TNRC18: variants seen among roughly 807,000 people sequenced by gnomAD.
The protein encoded by TNRC18 is trinucleotide repeat-containing gene 18 protein.
Under a neutral mutation model 226.7 loss-of-function variants are expected in TNRC18, and 69 were observed. The observed-to-expected ratio is 0.30, with a 90% CI of 0.25 to 0.37. TNRC18 has a LOEUF of 0.37. TNRC18 is among the 10% of genes least tolerant of loss of function. TNRC18 has a pLI of 1.00. For synonymous variants in TNRC18, 2,449 were observed against 1,927.6 expected (o/e 1.27, Z -7.09); for missense variants, 4,754 against 4,256.6 (o/e 1.12, Z -3.25).
chr7:5,314,370 T>C (rs1171438073), intron 26 of TNRC18, among the ~76,000 whole-genome samples: 4 of 152,012 alleles, frequency 2.6e-5, no homozygotes, highest in Admixed American at 1.3e-4. Context: ...CAACCTTAAG[T>C]TGTGTTGGCC....
At chr7:5,318,816 C>T (rs973578364) in intron 24 of TNRC18, among the ~76,000 whole-genome samples, 3 of 152,158 alleles carry the variant, frequency 2.0e-5, no homozygotes, top group African/African-American at 7.2e-5. Context: ...TCAACTATCT[C>T]TAAAGAATAA....
intron 24 of TNRC18, among the ~76,000 whole-genome samples, chr7:5,319,859 C>A (rs1253717894): frequency 6.6e-6 from 1 of 152,166 alleles, no homozygotes; most frequent in Non-Finnish European, 1.5e-5. Flanking sequence ...GGAAGCCACC[C>A]TCCCATCTTT....
intron 11 of TNRC18, among the ~76,000 whole-genome samples, chr7:5,363,857 G>A (rs1793338177): frequency 1.9e-5 from 2 of 102,790 alleles, no homozygotes; most frequent in South Asian, 6.3e-4. Flanking sequence ...GCAGAAAGGT[G>A]TAAAAAAAAA....
At chr7:5,321,037 C>T in intron 22 of TNRC18, 36 bp downstream of exon 22, 1 of 1,447,698 alleles carries the variant, frequency 6.9e-7, no homozygotes, top group Non-Finnish European at 9.4e-7. Context: ...GGGTATGGGA[C>T]ACGGGGCTCT....
In TNRC18 at chr7:5,308,769, G is replaced by C. The variant is rs559206681; in HGVS notation, c.8700+106C>G. On this transcript the variant is annotated intron_variant, in intron 29 of 29. Coordinates refer to ENST00000430969, the MANE Select transcript of TNRC18 (RefSeq NM_001080495.3). ...GGACAGGAGGTCAGAGGCTGAGGGAGACCATGGGGGACAGAGCAGCAGATG... is the reference window on the plus strand; with the variant it reads ...GGACAGGAGGTCAGAGGCTGAGGGACACCATGGGGGACAGAGCAGCAGATG... The C allele has an allele frequency of 1.2e-4, 152 of 1,266,584 alleles. 1 individual carries two copies. In the African/African-American group the frequency reaches 2.0e-3, roughly 17 times the overall value. The allele number at this position is 1,266,584 out of a possible 1,614,324, so 78.5% of individuals were successfully genotyped here.
At chr7:5,332,491 G>A (rs908883919) in intron 19 of TNRC18, 131 bp downstream of exon 19, 34 of 1,001,686 alleles carry the variant, frequency 3.4e-5, no homozygotes, top group Non-Finnish European at 4.2e-5. Flanking sequence ...CAGGGGCTCC[G>A]GGCGGGCCTG....
At chr7:5,325,336 G>T in intron 19 of TNRC18, 88 bp from the exon 20 acceptor site, 4 of 1,448,206 alleles carry the variant, frequency 2.8e-6, no homozygotes, top group Non-Finnish European at 2.8e-6. Context: ...TCACCCCCAA[G>T]TTCTGTGCCA....
intron 24 of TNRC18, among the ~76,000 whole-genome samples, chr7:5,317,178 C>T (rs543510671): frequency 6.6e-6 from 1 of 152,106 alleles, no homozygotes; most frequent in African/African-American, 2.4e-5. Flanking sequence ...CTCCCATCGG[C>T]TTGATAAGGT....
intron 2 of TNRC18, among the ~76,000 whole-genome samples, chr7:5,404,762 C>CAG (rs961654211): frequency 6.4e-5 from 7 of 108,918 alleles, no homozygotes; most frequent in African/African-American, 3.3e-4. Flanking sequence ...TGCACACTTT[C>CAG]AGTGTGTGTG....
chr7:5,407,906 TAGC>T (rs1781585173), intron 2 of TNRC18, among the ~76,000 whole-genome samples: 1 of 152,096 alleles, frequency 6.6e-6, no homozygotes, highest in Non-Finnish European at 1.5e-5. Flanking sequence ...AGATGCCTCT[TAGC>T]AGAGACAAAA....
At chr7:5,375,304 A>G (rs980497291) in intron 9 of TNRC18, among the ~76,000 whole-genome samples, 25 of 151,062 alleles carry the variant, frequency 1.7e-4, no homozygotes, top group African/African-American at 5.9e-4. Flanking sequence ...GCAAGACTCC[A>G]CCTCAAAAAA....
At chr7:5,383,539 G>C (rs900536855) in intron 5 of TNRC18, among the ~76,000 whole-genome samples, 2 of 152,232 alleles carry the variant, frequency 1.3e-5, no homozygotes, top group African/African-American at 4.8e-5. Flanking sequence ...ACAAAGGGCA[G>C]AGCTTGGACT....
At chr7:5,318,210 G>T (rs1320653204) in intron 24 of TNRC18, among the ~76,000 whole-genome samples, 1 of 152,044 alleles carries the variant, frequency 6.6e-6, no homozygotes, top group Non-Finnish European at 1.5e-5. Context: ...GTAGAGACAG[G>T]GTCTTGCTAT....
At position 5,376,182 on chromosome 7, in the gene TNRC18, G is replaced by A. The variant is rs775462040; in HGVS notation, c.2651C>T (p.Ala884Val). ...ERATVPPLWP[A>V]LYPPGRSPLH... ...GGGGCTGCGGCCCGGCGGGTACAGG[G>A]CGGGCCAGAGGGGCGGTACGGTGGC... The change falls in exon 9 of 30, where the codon GCC becomes GTC. Residue 884 changes from alanine to valine, a missense_variant. Ala to Val is a moderately conservative substitution (Grantham distance 64). Transcript: ENST00000430969. 3.8e-6 allele frequency: 6 copies of A among 1,561,928 alleles called. No homozygotes were observed. Among genetic ancestry groups the A allele is most frequent in the South Asian group, 3.6e-5 (3 of 84,336 alleles).
intron 17 of TNRC18, among the ~76,000 whole-genome samples, chr7:5,351,528 C>T (rs1791813946): frequency 6.6e-6 from 1 of 151,976 alleles, no homozygotes; most frequent in African/African-American, 2.4e-5. Context: ...GGGAGGAGGG[C>T]AAGTGGAGAG....
At chr7:5,362,441 G>C (rs549134363) in intron 12 of TNRC18, among the ~76,000 whole-genome samples, 5 of 152,276 alleles carry the variant, frequency 3.3e-5, no homozygotes, top group African/African-American at 1.2e-4. Context: ...TGATGAGCCT[G>C]ACATGCTAGC....
chr7:5,378,442 G>A (rs1583985745), intron 5 of TNRC18, among the ~76,000 whole-genome samples: 1 of 147,904 alleles, frequency 6.8e-6, no homozygotes, highest in Non-Finnish European at 1.5e-5. Flanking sequence ...TTTTTGAGAT[G>A]GAGTCTCGCT....
chr7:5,328,216 C>T (rs1169017107), intron 19 of TNRC18, among the ~76,000 whole-genome samples: 9 of 151,482 alleles, frequency 5.9e-5, no homozygotes, highest in African/African-American at 1.2e-4. Context: ...GAGACTCTGT[C>T]GCAAAAAACA....
intron 18 of TNRC18, among the ~76,000 whole-genome samples, chr7:5,335,174 G>C (rs1467553536): frequency 6.6e-6 from 1 of 151,544 alleles, no homozygotes; most frequent in African/African-American, 2.4e-5. Context: ...ATGGTGGCGG[G>C]TGCCTATAGT....
Sources: gnomAD v4.1 joint callset for allele counts (sites outside exome capture counted in the v4.1 genomes callset) on GRCh38, gnomAD v4.1.1 for gene constraint, MANE v1.5 for transcripts, NCBI Gene and HGNC (gene_info 2026-07-23, HGNC 2026-07-21) for gene names.